Variants in NEBL observed in about 807,000 individuals in gnomAD.
The protein encoded by NEBL is nebulette.
NEBL carries 122 observed loss-of-function variants against 140.2 expected under a neutral mutation model. The ratio of observed to expected loss-of-function variants is 0.87; its 90% CI spans 0.75 to 1.01. The LOEUF (loss-of-function observed/expected upper bound fraction) is 1.01. NEBL is among the 50% of genes least tolerant of loss of function. The probability of loss-of-function intolerance (pLI) is 0.00; values close to 1 mark genes in which losing one functional copy is unlikely to be tolerated. For synonymous variants in NEBL, 436 were observed against 398.9 expected, an observed-to-expected ratio of 1.09 and a Z score of -1.11; for missense variants, 1,365 against 1,231.3, an observed-to-expected ratio of 1.11 and a Z score of -1.62.
rs949439955 is a variant in NEBL, at chr10:21,125,716, G to A, written c.164+46667C>T. On this transcript the variant is annotated intron_variant, in intron 2 of 6. Transcript: ENST00000417816. ...CTTCCTCCCTGCACCCTACAGAGCT[G>A]CCTTTGAAGTCACATGTGCTCCACA... 96 of 782,510 alleles carry A rather than the reference G, an allele frequency of 1.2e-4. No homozygotes were observed. In the Middle Eastern group the frequency reaches 1.4e-3, roughly 11 times the overall value. 48.5% of individuals were successfully genotyped at this position (782,510 alleles called of 1,614,324 possible).
intron 12 of NEBL, chr10:20,841,246 C>A: frequency 5.5e-6 from 1 of 181,402 alleles, no homozygotes. Context: ...TGGAAAATTA[C>A]AAAATCAAAA....
chr10:20,891,300 T>A (rs1248353748), intron 2 of NEBL, among the ~76,000 whole-genome samples: 1 of 152,264 alleles, frequency 6.6e-6, no homozygotes, highest in East Asian at 1.9e-4. Flanking sequence ...ATTACTTTTT[T>A]TTCTTCTCAG....
intron 4 of NEBL, among the ~76,000 whole-genome samples, chr10:20,945,780 A>C (rs1835126263): frequency 6.6e-6 from 1 of 152,232 alleles, no homozygotes; most frequent in Non-Finnish European, 1.5e-5. Flanking sequence ...ATAACATATA[A>C]TCAATGCTCC....
At chr10:20,787,379 A>C in intron 26 of NEBL, 71 bp from the exon 27 acceptor site, 1 of 1,182,994 alleles carries the variant, frequency 8.5e-7, no homozygotes, top group Non-Finnish European at 1.2e-6. Context: ...CCAAACCCTC[A>C]GAGTGATGTT....
intron 2 of NEBL, among the ~76,000 whole-genome samples, chr10:21,118,150 G>A (rs959516336): frequency 6.6e-6 from 1 of 152,054 alleles, no homozygotes; most frequent in African/African-American, 2.4e-5. Context: ...GCCTACACCT[G>A]AACTGTCTAT....
intron 12 of NEBL, among the ~76,000 whole-genome samples, chr10:20,844,512 A>AT (rs1291148840): frequency 7.1e-6 from 1 of 141,792 alleles, no homozygotes; most frequent in African/African-American, 3.0e-5. Flanking sequence ...TTTAAAAAAC[A>AT]TAAAAAAAAA....
At chr10:20,930,824 A>G (rs1247669389) in intron 4 of NEBL, among the ~76,000 whole-genome samples, 1 of 152,224 alleles carries the variant, frequency 6.6e-6, no homozygotes. Flanking sequence ...ATCCCATACC[A>G]TAAGGTTTGC....
chr10:20,860,398 A>G (rs1479715555), intron 7 of NEBL, among the ~76,000 whole-genome samples: 3 of 151,960 alleles, frequency 2.0e-5, no homozygotes, highest in Non-Finnish European at 4.4e-5. Flanking sequence ...CAGGAAAACC[A>G]TCTCCAATAC....
In NEBL at chr10:20,856,323, C is replaced by T. The variant is rs75749825; in HGVS notation, c.903+1917G>A. Among the ~76,000 whole-genome samples the T allele has an allele frequency of 2.2e-3, 330 of 152,196 alleles. 2 individuals are homozygous for T. Among genetic ancestry groups the T allele is most frequent in the African/African-American group, 7.8e-3 (323 of 41,530 alleles). On this transcript the variant is annotated intron_variant, in intron 9 of 27. Coordinates refer to ENST00000377122, the MANE Select transcript of NEBL (RefSeq NM_006393.3). ...TCTGTTATTATAAAATAAAGGTCAA[C>T]GTTCTTGAAAAGCAATATTGCATAG...
chr10:20,956,658 CT>C (rs1252531926), intron 4 of NEBL, among the ~76,000 whole-genome samples: 23 of 152,170 alleles, frequency 1.5e-4, no homozygotes, highest in Admixed American at 5.9e-4. Context: ...AAATCAGAAG[CT>C]TTTACATAAA....
At chr10:21,129,426 G>T (rs1396380066) in intron 2 of NEBL, among the ~76,000 whole-genome samples, 5 of 151,712 alleles carry the variant, frequency 3.3e-5, no homozygotes, top group Non-Finnish European at 7.4e-5. Flanking sequence ...ATTCTTAATT[G>T]ACCTTACAGA....
chr10:20,789,858 T>C (rs574997551), intron 26 of NEBL, among the ~76,000 whole-genome samples: 1 of 150,554 alleles, frequency 6.6e-6, no homozygotes, highest in East Asian at 2.0e-4. Context: ...AAATTTTATA[T>C]ATATATATAC....
At chr10:21,004,218 A>C (rs1266811385) in intron 3 of NEBL, among the ~76,000 whole-genome samples, 1 of 152,176 alleles carries the variant, frequency 6.6e-6, no homozygotes, top group African/African-American at 2.4e-5. Flanking sequence ...GTGTTGTTTG[A>C]AGAAGTTTCT....
chr10:21,027,717 G>T (rs1833574278), intron 2 of NEBL, among the ~76,000 whole-genome samples: 1 of 152,130 alleles, frequency 6.6e-6, no homozygotes, highest in Non-Finnish European at 1.5e-5. Flanking sequence ...AGTTAGGAGA[G>T]AGACCAATCT....
At chr10:21,146,079 A>G (rs1839878193) in intron 2 of NEBL, among the ~76,000 whole-genome samples, 1 of 152,178 alleles carries the variant, frequency 6.6e-6, no homozygotes, top group South Asian at 2.1e-4. Context: ...GGCACCATGA[A>G]TAGGGAAAAA....
At chr10:20,855,755 C>A (rs1843007586) in intron 9 of NEBL, among the ~76,000 whole-genome samples, 1 of 152,090 alleles carries the variant, frequency 6.6e-6, no homozygotes, top group Admixed American at 6.6e-5. Flanking sequence ...TGATTTTACA[C>A]AGTAATTAAG....
At position 21,275,697 on chromosome 10, in the gene NEBL, A is replaced by G. The variant is rs146316438; in HGVS notation, n.182+17133T>C. Among the ~76,000 whole-genome samples the G allele has an allele frequency of 8.1e-3, 1,205 of 148,572 alleles. 23 individuals carry two copies. Among genetic ancestry groups the G allele is most frequent in the African/African-American group, 0.029 (1,160 of 40,138 alleles). On this transcript the variant is annotated intron_variant and non_coding_transcript_variant, in intron 1 of 8. Transcript: ENST00000675702. ...CTCTTGTTGCCAAGGCTGGAGTGCAATGACGGAATCTTGGCTCACCGCAAC... is the reference window on the plus strand; with the variant it reads ...CTCTTGTTGCCAAGGCTGGAGTGCAGTGACGGAATCTTGGCTCACCGCAAC...
At chr10:20,819,573 C>A in intron 19 of NEBL, 57 bp from the exon 20 acceptor site, 1 of 1,595,758 alleles carries the variant, frequency 6.3e-7, no homozygotes, top group Non-Finnish European at 8.6e-7. Context: ...CGTCCCAAAA[C>A]ATTGCAACAG....
rs576547458 is a variant in NEBL, at chr10:20,849,058, G to A, written c.1116+1337C>T. 2.0e-5 allele frequency among the ~76,000 whole-genome samples: 3 copies of A among 152,222 alleles called. No homozygotes were observed. The South Asian group carries it at 6.2e-4, about 32-fold the overall frequency. ...AGAAAGGATCTTATTCATTGAGCAT[G>A]CCTAGCATGAAGCATCAAGGTTGTA... On this transcript the variant is annotated intron_variant, in intron 11 of 27. Transcript: ENST00000377122.
Sources: gnomAD v4.1 joint callset for allele counts (sites outside exome capture counted in the v4.1 genomes callset) on GRCh38, gnomAD v4.1.1 for gene constraint, MANE v1.5 for transcripts, NCBI Gene and HGNC (gene_info 2026-07-23, HGNC 2026-07-21) for gene names.